Variants in DOCK2 observed in about 807,000 individuals in gnomAD.
The protein encoded by DOCK2 is dedicator of cytokinesis protein 2.
A neutral mutation model predicts 248.9 loss-of-function variants in DOCK2; 87 were observed. That is an observed-to-expected ratio of 0.35 (90% CI 0.29 to 0.42). The LOEUF (loss-of-function observed/expected upper bound fraction) is 0.42, where lower values mean the gene tolerates loss of function less well. Ranked by LOEUF, DOCK2 falls within the 10% of genes least tolerant of loss-of-function variation. The pLI, the probability that DOCK2 is intolerant of heterozygous loss-of-function variation, is 1.00. For synonymous variants in DOCK2, 805 were observed against 821.6 expected, an observed-to-expected ratio of 0.98 and a Z score of 0.35; for missense variants, 1,747 against 2,300.2, an observed-to-expected ratio of 0.76 and a Z score of 4.92.
At chr5:169,864,227 A>G (rs1771390491) in intron 27 of DOCK2, 3 of 1,480,866 alleles carry the variant, frequency 2.0e-6, no homozygotes, top group East Asian at 4.9e-5. Flanking sequence ...TTCCCATCTC[A>G]GGGAAGTGCG....
chr5:169,659,188 A>G (rs913162676), intron 2 of DOCK2, among the ~76,000 whole-genome samples: 8 of 151,894 alleles, frequency 5.3e-5, no homozygotes, highest in African/African-American at 1.5e-4. Context: ...CACCCCCAAT[A>G]AAGAAGTGAA....
intron 33 of DOCK2, among the ~76,000 whole-genome samples, chr5:170,026,654 G>T (rs1441741645): frequency 6.6e-6 from 1 of 152,196 alleles, no homozygotes; most frequent in African/African-American, 2.4e-5. Context: ...ACAAAATCAT[G>T]TTAAAAAGAC....
chr5:169,867,610 T>C lies in DOCK2; in HGVS notation c.2799+26758T>C, dbSNP rs140993960. Among the ~76,000 whole-genome samples the C allele has an allele frequency of 7.7e-4, 105 of 136,280 alleles. 2 individuals carry two copies. In the East Asian group the frequency reaches 0.017, roughly 22 times the overall value. The allele number at this position is 136,280 out of a possible 152,430, so 89.4% of individuals were successfully genotyped here. On this transcript the variant is annotated intron_variant, in intron 27 of 51. Transcript: ENST00000520908. ...TCTATCGTTATCTATCCATCTATCA[T>C]GTATCATTATCTATCATCTATCTAT...
At chr5:169,645,291 G>A (rs1267441320) in intron 1 of DOCK2, among the ~76,000 whole-genome samples, 2 of 152,160 alleles carry the variant, frequency 1.3e-5, no homozygotes, top group Non-Finnish European at 2.9e-5. Context: ...AGCCTCACCA[G>A]CATCTATAGT....
At chr5:169,700,965 G>GAA (rs1401570240) in intron 13 of DOCK2, among the ~76,000 whole-genome samples, 4 of 151,758 alleles carry the variant, frequency 2.6e-5, no homozygotes, top group Non-Finnish European at 4.4e-5. Flanking sequence ...AAGAAAGAAA[G>GAA]AGAAACAGCC....
At chr5:169,731,302 G>A (rs1435462177) in intron 22 of DOCK2, among the ~76,000 whole-genome samples, 1 of 152,168 alleles carries the variant, frequency 6.6e-6, no homozygotes, top group African/African-American at 2.4e-5. Flanking sequence ...CCTATGGGAG[G>A]TGATTGAATT....
rs556668385 is a variant in DOCK2 at position 169,859,859 on chromosome 5, C to T, written c.2799+19007C>T. Among the ~76,000 whole-genome samples the T allele has an allele frequency of 1.9e-4, 29 of 152,248 alleles. No homozygotes were observed. In the South Asian group the frequency reaches 5.8e-3, roughly 30 times the overall value. ...TCCACACAACAAGAATCTTTAATTC[C>T]CGGAGTGCTGTGCTGTATTTTATGT... On this transcript the variant is annotated intron_variant, in intron 27 of 51. Transcript: ENST00000520908.
intron 2 of DOCK2, among the ~76,000 whole-genome samples, chr5:169,661,759 G>T (rs952208739): frequency 6.6e-6 from 1 of 152,056 alleles, no homozygotes; most frequent in East Asian, 1.9e-4. Context: ...ATGTCTTCCA[G>T]GTTCATCCAT....
chr5:169,663,983 A>C (rs1485615066), intron 2 of DOCK2, among the ~76,000 whole-genome samples: 1 of 152,228 alleles, frequency 6.6e-6, no homozygotes, highest in Admixed American at 6.5e-5. Context: ...AAAATTTTCC[A>C]AACTTTTACT....
intron 27 of DOCK2, among the ~76,000 whole-genome samples, chr5:169,969,310 T>C (rs1777413707): frequency 6.6e-6 from 1 of 152,142 alleles, no homozygotes. Context: ...CTGGGTGTGG[T>C]GTGGGGCACT....
chr5:169,799,157 C>T (rs1370998349), intron 25 of DOCK2, among the ~76,000 whole-genome samples: 3 of 152,194 alleles, frequency 2.0e-5, no homozygotes, highest in African/African-American at 7.2e-5. Context: ...CACAGATTTC[C>T]TGAAGGCACA....
intron 27 of DOCK2, among the ~76,000 whole-genome samples, chr5:169,958,062 C>T (rs1459437902): frequency 4.6e-5 from 7 of 152,132 alleles, no homozygotes; most frequent in South Asian, 2.1e-4. Flanking sequence ...CCAGGGGATA[C>T]GTTCCCTGTG....
chr5:170,058,795 C>T (rs1020768815), intron 44 of DOCK2, among the ~76,000 whole-genome samples: 26 of 152,298 alleles, frequency 1.7e-4, no homozygotes, highest in Admixed American at 1.4e-3. Flanking sequence ...TTGTATCAGA[C>T]GATAGCATTG....
intron 27 of DOCK2, among the ~76,000 whole-genome samples, chr5:169,912,577 T>C (rs1414072908): frequency 6.6e-6 from 1 of 152,058 alleles, no homozygotes; most frequent in Non-Finnish European, 1.5e-5. Flanking sequence ...AACCATTACG[T>C]TGTAAACAGA....
chr5:169,836,854 AT>A (rs1208619075), intron 26 of DOCK2, among the ~76,000 whole-genome samples: 1 of 152,180 alleles, frequency 6.6e-6, no homozygotes, highest in Non-Finnish European at 1.5e-5. Context: ...AAAAGGCCAC[AT>A]TTTTTATATA....
At chr5:169,728,737 TAC>T (rs1762615649) in intron 22 of DOCK2, among the ~76,000 whole-genome samples, 1 of 152,228 alleles carries the variant, frequency 6.6e-6, no homozygotes, top group African/African-American at 2.4e-5. Context: ...GTGAATTACC[TAC>T]ATTTGGATTG....
At chr5:169,874,340 G>A (rs778633927) in intron 27 of DOCK2, among the ~76,000 whole-genome samples, 19 of 149,750 alleles carry the variant, frequency 1.3e-4, no homozygotes, top group Non-Finnish European at 2.7e-4. Context: ...TTAAACCTGG[G>A]AGGCAGAGGT....
In DOCK2 at chr5:170,049,407, C is replaced by T. The variant is rs530870930; in HGVS notation, c.4072-849C>T. On this transcript the variant is annotated intron_variant, in intron 40 of 51. Transcript: ENST00000520908. Reference sequence around the variant, plus strand: ...GGATTACAGGCGTGAGCCACCAGGCCCAGCTGGGAATCTGAATTTTTAAAA... The same window carrying T: ...GGATTACAGGCGTGAGCCACCAGGCTCAGCTGGGAATCTGAATTTTTAAAA... Among the ~76,000 whole-genome samples the T allele has an allele frequency of 2.6e-5, 4 of 152,332 alleles. No individual in the cohort carries two copies. The South Asian group carries it at 8.3e-4, about 32-fold the overall frequency.
intron 9 of DOCK2, among the ~76,000 whole-genome samples, chr5:169,693,979 C>G (rs1351777315): frequency 6.6e-6 from 1 of 152,198 alleles, no homozygotes; most frequent in Non-Finnish European, 1.5e-5. Flanking sequence ...CTACAAAATA[C>G]CTTCATAGCA....
Sources: gnomAD v4.1 joint callset for allele counts (sites outside exome capture counted in the v4.1 genomes callset) on GRCh38, gnomAD v4.1.1 for gene constraint, MANE v1.5 for transcripts, NCBI Gene and HGNC (gene_info 2026-07-23, HGNC 2026-07-21) for gene names.